The following PLEKHA3 variants were observed in gnomAD, a reference collection of about 807,000 sequenced individuals.
PLEKHA3 encodes pleckstrin homology domain containing A3.
In PLEKHA3, 19 loss-of-function variants were observed where a neutral mutation model predicts 39.2. That is an observed-to-expected ratio of 0.48 (90% confidence interval 0.34 to 0.71). PLEKHA3 has a LOEUF of 0.71. PLEKHA3 is among the 30% of genes least tolerant of loss of function. The probability of loss-of-function intolerance (pLI) is 0.01; values close to 1 mark genes in which losing one functional copy is unlikely to be tolerated. For synonymous variants in PLEKHA3, 97 were observed against 118.6 expected (o/e 0.82, Z 1.18); for missense variants, 253 against 359.5 (o/e 0.70, Z 2.40).
chr2:178,499,145 G>C, intron 5 of PLEKHA3, 66 bp from the exon 6 acceptor site: 1 of 1,430,666 alleles, frequency 7.0e-7, no homozygotes, highest in Admixed American at 2.0e-5. Flanking sequence ...TAGTAAATTA[G>C]AGCTGCATGA....
At chr2:178,486,011 A>G (rs139523189) in intron 2 of PLEKHA3, among the ~76,000 whole-genome samples, 10 of 152,332 alleles carry the variant, frequency 6.6e-5, no homozygotes, top group African/African-American at 2.4e-4. Flanking sequence ...TTGACAAACA[A>G]TTTCTTGTGG....
At chr2:178,502,337 T>G in intron 7 of PLEKHA3, 1 of 415,234 alleles carries the variant, frequency 2.4e-6, no homozygotes, top group Non-Finnish European at 4.8e-6. Context: ...TAAATTGAGA[T>G]GTGGGTGGAG....
intron 4 of PLEKHA3, among the ~76,000 whole-genome samples, chr2:178,494,452 A>G (rs750545860): frequency 6.6e-6 from 1 of 152,212 alleles, no homozygotes; most frequent in African/African-American, 2.4e-5. Flanking sequence ...GGGCTATAAT[A>G]GGCTCATTCT....
rs1685622991 is a variant in PLEKHA3, at chr2:178,507,578, T to G, written c.*3691T>G. ...TTCCACAGTCCTTCATCTTCTGCCA[T>G]TTGTACTGTTGCCCTCCAGGCCTGT... On this transcript the variant is annotated 3_prime_UTR_variant, in exon 8 of 8. Coordinates refer to ENST00000234453, the MANE Select transcript of PLEKHA3 (RefSeq NM_019091.4). 1 of 152,198 alleles carries G rather than the reference T, an allele frequency of 6.6e-6. No individual in the cohort carries two copies. The highest frequency in any genetic ancestry group is 1.5e-5 in the Non-Finnish European group (1 of 67,922). The allele number at this position is 152,198 out of a possible 1,614,324, so 9.4% of individuals were successfully genotyped here.
chr2:178,481,424 A>G (rs1488635070), intron 1 of PLEKHA3, among the ~76,000 whole-genome samples: 1 of 152,218 alleles, frequency 6.6e-6, no homozygotes, highest in African/African-American at 2.4e-5. Context: ...AGCTGTCCCC[A>G]GATAATATTC....
Position 178,507,155 on chromosome 2 carries a change from G to A in PLEKHA3, c.*3268G>A, listed in dbSNP as rs1685614728. 6.6e-6 allele frequency: 1 copy of A among 151,968 alleles called. No homozygotes were observed. The highest frequency in any genetic ancestry group is 1.5e-5 in the Non-Finnish European group (1 of 67,950). 9.4% of individuals were successfully genotyped at this position (151,968 alleles called of 1,614,324 possible). ...GTTTGAAAATGTTATACTACTTTTTGTTGACTTATCAATTTCAGAAACAGT... is the reference window on the plus strand; with the variant it reads ...GTTTGAAAATGTTATACTACTTTTTATTGACTTATCAATTTCAGAAACAGT... On this transcript the variant is annotated 3_prime_UTR_variant, in exon 8 of 8. Transcript: ENST00000234453.
Position 178,486,802 on chromosome 2 carries a change from G to T in PLEKHA3, c.157+1045G>T, listed in dbSNP as rs992795898. Among the ~76,000 whole-genome samples, 6 of 152,050 alleles carry T rather than the reference G, an allele frequency of 3.9e-5. No individual in the cohort carries two copies. In the East Asian group the frequency reaches 7.7e-4, roughly 20 times the overall value. ...GGATTTTTGGGTTATTTCCGTTTTG[G>T]GACTACAGTGACTAAAGCTGCCATA... On this transcript the variant is annotated intron_variant, in intron 2 of 7. Transcript: ENST00000234453.
At chr2:178,488,456 A>G (rs1232378538) in intron 2 of PLEKHA3, among the ~76,000 whole-genome samples, 11 of 152,238 alleles carry the variant, frequency 7.2e-5, no homozygotes, top group Admixed American at 7.2e-4. Context: ...GTAGGTCTGT[A>G]CTTGACTTAA....
chr2:178,490,780 A>G lies in PLEKHA3; in HGVS notation c.279A>G (p.Ala93=). The G allele has an allele frequency of 6.2e-7, 1 of 1,613,990 alleles. No homozygotes were observed. The part of the protein sequence containing the change: ...RWLVALGSSK[A]CLTDTRTKKE... ...TGGTCGCTCTGGGGAGCTCCAAAGCATGTTTGACTGATACAAGGACTAAAA... is the reference window on the plus strand; with the variant it reads ...TGGTCGCTCTGGGGAGCTCCAAAGCGTGTTTGACTGATACAAGGACTAAAA... The change falls in exon 3 of 8, where the codon GCA becomes GCG. Residue 93 remains alanine, a synonymous_variant. Coordinates refer to ENST00000234453, the MANE Select transcript of PLEKHA3 (RefSeq NM_019091.4).
chr2:178,502,752 T>C lies in PLEKHA3; in HGVS notation c.776-1008T>C, dbSNP rs550116004. On this transcript the variant is annotated intron_variant, in intron 7 of 7. Transcript: ENST00000234453. ...TGTACATGCTCTATTATATTTAGCA[T>C]CCCCCAGTTTAACTGTTATGGACTG... Among the ~76,000 whole-genome samples, 3 of 151,768 alleles carry C rather than the reference T, an allele frequency of 2.0e-5. No homozygotes were observed. In the South Asian group the frequency reaches 6.2e-4, roughly 32 times the overall value.
At chr2:178,487,145 G>A (rs1685263003) in intron 2 of PLEKHA3, among the ~76,000 whole-genome samples, 1 of 152,112 alleles carries the variant, frequency 6.6e-6, no homozygotes, top group South Asian at 2.1e-4. Context: ...GTAAGTGGGG[G>A]GATTCTGGCT....
rs1685715219 is a variant in PLEKHA3, at chr2:178,513,361, CCTTTA to C, written c.*9478_*9482del. On this transcript the variant is annotated 3_prime_UTR_variant, in exon 8 of 8. Coordinates refer to ENST00000234453, the MANE Select transcript of PLEKHA3 (RefSeq NM_019091.4). ...ACTAAAGAAGGAGCTGGCTTTATGA[CCTTTA>C]CTTGAGTATTTTTTTGTGTGTGACA... 6.6e-6 allele frequency: 1 copy of C among 152,170 alleles called. No homozygotes were observed. The highest frequency in any genetic ancestry group is 6.5e-5 in the Admixed American group (1 of 15,274). The allele number at this position is 152,170 out of a possible 1,614,324, so 9.4% of individuals were successfully genotyped here.
intron 3 of PLEKHA3, among the ~76,000 whole-genome samples, 186 bp downstream of exon 3, chr2:178,491,000 CTCTT>C (rs974257288): frequency 5.4e-5 from 8 of 148,094 alleles, no homozygotes; most frequent in Non-Finnish European, 1.0e-4. Context: ...GCTCAATAAA[CTCTT>C]TCTTTCTTTT....
chr2:178,502,247 G>A, intron 7 of PLEKHA3: 1 of 170,190 alleles, frequency 5.9e-6, no homozygotes. Flanking sequence ...TTTTTTTAAT[G>A]CCCACTTTTT....
chr2:178,483,314 A>G lies in PLEKHA3; in HGVS notation c.41-2327A>G, dbSNP rs548605145. 5.3e-5 allele frequency among the ~76,000 whole-genome samples: 8 copies of G among 152,008 alleles called. No homozygotes were observed. The South Asian group carries it at 1.7e-3, about 32-fold the overall frequency. The stretch of plus-strand genomic sequence containing the variant: ...TGTAGAGAGTAAGAATTTCAGTAAC[A>G]TTTTGTAGTTTGAGATAAAAAGAAT... On this transcript the variant is annotated intron_variant, in intron 1 of 7. Coordinates refer to ENST00000234453, the MANE Select transcript of PLEKHA3 (RefSeq NM_019091.4).
rs569420228 is a variant in PLEKHA3 at position 178,480,672 on chromosome 2, C to G, written c.-198C>G. Reference sequence around the variant, plus strand: ...GAATGTCTGGGCCCGCGCCTCGCGGCCCCCAAGCTCCACGCTGCGCCCGCT... The same window carrying G: ...GAATGTCTGGGCCCGCGCCTCGCGGGCCCCAAGCTCCACGCTGCGCCCGCT... On this transcript the variant is annotated 5_prime_UTR_variant, in exon 1 of 8. Coordinates refer to ENST00000234453, the MANE Select transcript of PLEKHA3 (RefSeq NM_019091.4). 2.7e-6 allele frequency: 1 copy of G among 366,138 alleles called. No individual in the cohort carries two copies. Among genetic ancestry groups the G allele is most frequent in the African/African-American group, 2.1e-5 (1 of 46,822 alleles). 22.7% of individuals were successfully genotyped at this position (366,138 alleles called of 1,614,324 possible).
At position 178,507,028 on chromosome 2, in the gene PLEKHA3, A is replaced by T. The variant is rs1466571861; in HGVS notation, c.*3141A>T. 1 of 152,166 alleles carries T rather than the reference A, an allele frequency of 6.6e-6. No homozygotes were observed. The highest frequency in any genetic ancestry group is 1.5e-5 in the Non-Finnish European group (1 of 68,022). The allele number at this position is 152,166 out of a possible 1,614,324, so 9.4% of individuals were successfully genotyped here. A position where few individuals can be genotyped will look rare whatever the true frequency, so the allele number is the denominator to read the frequency against. ...AGTTTGAAAAAATCAAATAGAACTA[A>T]AAGGTTTATAGTGAAAAAGTGTAGT... is the stretch of plus-strand genomic sequence containing the variant. On this transcript the variant is annotated 3_prime_UTR_variant, in exon 8 of 8. Transcript: ENST00000234453.
intron 6 of PLEKHA3, 48 bp from the exon 7 acceptor site, chr2:178,501,013 T>C (rs1685521655): frequency 1.7e-6 from 2 of 1,189,794 alleles, no homozygotes; most frequent in Non-Finnish European, 2.4e-6. Flanking sequence ...GAGTGTGTTT[T>C]TGTTTATGTA....
At chr2:178,496,071 A>G (rs1224212116) in intron 5 of PLEKHA3, among the ~76,000 whole-genome samples, 2 of 152,236 alleles carry the variant, frequency 1.3e-5, no homozygotes, top group African/African-American at 2.4e-5. Flanking sequence ...GGAATTTGAA[A>G]CATATTCCGG....
Sources: gnomAD v4.1 joint callset for allele counts (sites outside exome capture counted in the v4.1 genomes callset) on GRCh38, gnomAD v4.1.1 for gene constraint, MANE v1.5 for transcripts, NCBI Gene and HGNC (gene_info 2026-07-23, HGNC 2026-07-21) for gene names.